MYCBP2: variants seen among roughly 807,000 people sequenced by gnomAD.
The protein encoded by MYCBP2 is E3 ubiquitin-protein ligase MYCBP2.
A neutral mutation model predicts 525.3 loss-of-function variants in MYCBP2; 120 were observed. The ratio of observed to expected loss-of-function variants is 0.23; its 90% CI spans 0.20 to 0.27. The LOEUF is 0.27. Ranked by LOEUF, MYCBP2 falls within the 10% of genes least tolerant of loss-of-function variation. The pLI, the probability that MYCBP2 is intolerant of heterozygous loss-of-function variation, is 1.00. For missense variants in MYCBP2, 4,149 were observed against 5,657.1 expected, an observed-to-expected ratio of 0.73 and a Z score of 8.55; for synonymous variants, 1,894 against 1,955.8, an observed-to-expected ratio of 0.97 and a Z score of 0.83.
intron 59 of MYCBP2, among the ~76,000 whole-genome samples, chr13:77,091,163 T>C (rs563172334): frequency 1.8e-4 from 27 of 152,206 alleles, no homozygotes; most frequent in Non-Finnish European, 3.8e-4. Flanking sequence ...ACTGCCTAGG[T>C]GTTTTCTTTA....
intron 30 of MYCBP2, among the ~76,000 whole-genome samples, chr13:77,187,264 C>G (rs966303029): frequency 6.6e-6 from 1 of 152,122 alleles, no homozygotes; most frequent in African/African-American, 2.4e-5. Flanking sequence ...AGTCAAAGAT[C>G]CTTATTTGAA....
chr13:77,124,950 C>G (rs191461165), intron 54 of MYCBP2, among the ~76,000 whole-genome samples: 8 of 152,278 alleles, frequency 5.3e-5, no homozygotes, highest in African/African-American at 1.9e-4. Flanking sequence ...AAAATGCAAT[C>G]AAATGAAGTT....
chr13:77,178,460 T>G (rs995955614), intron 34 of MYCBP2, among the ~76,000 whole-genome samples: 1 of 152,216 alleles, frequency 6.6e-6, no homozygotes, highest in Non-Finnish European at 1.5e-5. Context: ...AAGAAAATGG[T>G]CTATACCCTA....
intron 31 of MYCBP2, 137 bp from the exon 32 acceptor site, chr13:77,185,514 T>C: frequency 1.0e-6 from 1 of 959,124 alleles, no homozygotes. Flanking sequence ...AACTTAGAGA[T>C]TAAGTGTAGT....
intron 55 of MYCBP2, chr13:77,099,235 C>T: frequency 1.7e-6 from 1 of 593,570 alleles, no homozygotes; most frequent in Non-Finnish European, 2.8e-6. Context: ...TTCATGGACG[C>T]AAAACAACAG....
chr13:77,227,821 G>A (rs929455127), intron 18 of MYCBP2, among the ~76,000 whole-genome samples: 1 of 152,110 alleles, frequency 6.6e-6, no homozygotes, highest in Admixed American at 6.6e-5. Flanking sequence ...ATCAAGGAAG[G>A]AGATTATTTT....
At chr13:77,054,220 G>A (rs1442488333) in intron 80 of MYCBP2, among the ~76,000 whole-genome samples, 1 of 152,152 alleles carries the variant, frequency 6.6e-6, no homozygotes, top group Non-Finnish European at 1.5e-5. Flanking sequence ...CCAATGGCCT[G>A]TGCAATGGCA....
At position 77,326,500 on chromosome 13, in the gene MYCBP2, G is replaced by A. The variant is rs752322544; in HGVS notation, c.276C>T (p.Gly92=). ...TGGAGGCTGGGTGTCCAGCGCTGCC[G>A]CCCCCCTGGTCCCTGTCATTGAGCG... ...TAALNDRDQG[G]GSAGHPASRN... The change falls in exon 1 of 83, where the codon GGC becomes GGT. Residue 92 remains glycine (G), a synonymous_variant. Transcript: ENST00000544440. This position sits in a 1 kb window ranked among gnomAD's most constrained non-coding sequence, Gnocchi z 4.2. 2.5e-6 allele frequency: 4 copies of A among 1,585,892 alleles called. No individual in the cohort carries two copies. Among genetic ancestry groups the A allele is most frequent in the Non-Finnish European group, 2.6e-6 (3 of 1,167,082 alleles).
chr13:77,281,380 T>C (rs73547877), intron 3 of MYCBP2, among the ~76,000 whole-genome samples: 5,182 of 152,116 alleles, frequency 0.034, 291 homozygotes, highest in African/African-American at 0.12. Context: ...TCATCTACAA[T>C]AAATATGTAT....
chr13:77,115,818 A>C (rs2049648143), intron 55 of MYCBP2, among the ~76,000 whole-genome samples: 2 of 151,832 alleles, frequency 1.3e-5, no homozygotes, highest in Non-Finnish European at 3.0e-5. Context: ...ACATTCAGGA[A>C]ATCTTTTTTT....
At position 77,082,907 on chromosome 13, in the gene MYCBP2, C is replaced by T. The variant is rs1474783776; in HGVS notation, c.11036+125G>A. The stretch of plus-strand genomic sequence containing the variant: ...AATTATGACTGTAAGGAGGGAGGCA[C>T]CATCTATATAATGTAGGGATTCTAT... On this transcript the variant is annotated intron_variant, in intron 63 of 82. Transcript: ENST00000544440. 7.4e-5 allele frequency: 61 copies of T among 827,188 alleles called. No individual in the cohort carries two copies. In the East Asian group the frequency reaches 1.5e-3, roughly 21 times the overall value. The allele number at this position is 827,188 out of a possible 1,614,324, so 51.2% of individuals were successfully genotyped here.
chr13:77,275,562 A>G (rs984698730), intron 4 of MYCBP2, among the ~76,000 whole-genome samples: 2 of 152,138 alleles, frequency 1.3e-5, no homozygotes, highest in Non-Finnish European at 2.9e-5. Context: ...AGCAGTGTGT[A>G]CCTATAGTCA....
chr13:77,251,105 A>C (rs769776106), intron 15 of MYCBP2, 46 bp downstream of exon 15: 2 of 1,582,430 alleles, frequency 1.3e-6, no homozygotes, highest in Non-Finnish European at 8.6e-7. Context: ...TTTTGCAAAG[A>C]AATGTGTTCT....
intron 2 of MYCBP2, among the ~76,000 whole-genome samples, chr13:77,295,411 C>T (rs1210921670): frequency 3.3e-5 from 5 of 152,278 alleles, no homozygotes; most frequent in East Asian, 3.9e-4. Flanking sequence ...GGATTACAGG[C>T]GTGAGCCACT....
At chr13:77,323,831 C>G (rs2081981905) in intron 1 of MYCBP2, among the ~76,000 whole-genome samples, 1 of 152,196 alleles carries the variant, frequency 6.6e-6, no homozygotes, top group Admixed American at 6.5e-5. Context: ...TTTATATTTA[C>G]AAGTACTCAC....
intron 4 of MYCBP2, among the ~76,000 whole-genome samples, chr13:77,278,382 C>T (rs570838187): frequency 6.6e-6 from 1 of 152,068 alleles, no homozygotes. Flanking sequence ...TGTGTGTGCA[C>T]GAACTTCAAC....
rs2065062225 is a variant in MYCBP2, at chr13:77,218,030, T to C, written c.2940-73A>G. On this transcript the variant is annotated intron_variant, in intron 20 of 82. Coordinates refer to ENST00000544440, the MANE Select transcript of MYCBP2 (RefSeq NM_015057.5). Reference sequence around the variant, plus strand: ...TAAAATAAAAACAATAAGTAAGCAATGCAACAAGGAGTAGGAAAGATAAAA... The same window carrying C: ...TAAAATAAAAACAATAAGTAAGCAACGCAACAAGGAGTAGGAAAGATAAAA... 6 of 995,118 alleles carry C rather than the reference T, an allele frequency of 6.0e-6. No individual in the cohort carries two copies. The South Asian group carries it at 7.6e-5, about 13-fold the overall frequency. The allele number at this position is 995,118 out of a possible 1,614,324, so 61.6% of individuals were successfully genotyped here.
Position 77,078,868 on chromosome 13 carries a change from A to G in MYCBP2, c.11440T>C (p.Phe3814Leu). 1 of 1,613,526 alleles carries G rather than the reference A, an allele frequency of 6.2e-7. No individual in the cohort carries two copies. Among genetic ancestry groups the G allele is most frequent in the African/African-American group, 1.3e-5 (1 of 75,040 alleles). ...DLGNKVTSMTFLTGKAVEDLC... is the reference protein window; with the variant it reads ...DLGNKVTSMTLLTGKAVEDLC... ...TCTTCTACTGCTTTGCCAGTTAAGAAGGTCATTGAGGTAACTTTATTCTGA... is the reference window on the plus strand; with the variant it reads ...TCTTCTACTGCTTTGCCAGTTAAGAGGGTCATTGAGGTAACTTTATTCTGA... Residue 3814 changes from phenylalanine (F) to leucine (L), a missense_variant, in exon 66 of 83, where the codon TTC (phenylalanine) becomes CTC (leucine). Physicochemically the swap from Phe to Leu is conservative, Grantham distance 22. This residue lies in a region of MYCBP2 where 509 missense variants were observed against 789.4 expected (regional missense o/e 0.64). Transcript: ENST00000544440.
chr13:77,121,407 G>C lies in MYCBP2; in HGVS notation c.8106C>G (p.Ala2702=). 1 of 1,593,726 alleles carries C rather than the reference G, an allele frequency of 6.3e-7. No homozygotes were observed. Among genetic ancestry groups the C allele is most frequent in the Non-Finnish European group, 8.6e-7 (1 of 1,166,364 alleles). The change falls in exon 55 of 83, where the codon GCC becomes GCG. Residue 2702 remains alanine (A), a synonymous_variant. Transcript: ENST00000544440. ...QAFNKGASCS[A]QGFDYGLGNS... ...TTCCGAGTCCATAATCAAATCCTTG[G>C]GCACTGCAACTTGCCCCTTTATTAA...
Sources: allele counts gnomAD v4.1 joint callset (sites outside exome capture counted in the v4.1 genomes callset), GRCh38; gene constraint gnomAD v4.1.1; regional missense constraint gnomAD v4.1.1; non-coding constraint Gnocchi (gnomAD v3.1); transcripts MANE v1.5; gene names NCBI Gene and HGNC (gene_info 2026-07-23, HGNC 2026-07-21).